PYROXD1: variants seen among roughly 807,000 people sequenced by gnomAD.
The protein encoded by PYROXD1 is pyridine nucleotide-disulphide oxidoreductase domain 1.
PYROXD1 carries 42 observed loss-of-function variants against 62.0 expected under a neutral mutation model. The observed-to-expected ratio is 0.68, with a 90% confidence interval of 0.53 to 0.88. PYROXD1 has a LOEUF of 0.88. PYROXD1 is among the 40% of genes least tolerant of loss of function. The probability of loss-of-function intolerance (pLI) is 0.00; values close to 1 mark genes in which losing one functional copy is unlikely to be tolerated. For missense variants in PYROXD1, 493 were observed against 604.8 expected (o/e 0.82, Z 1.94); for synonymous variants, 170 against 206.4 (o/e 0.82, Z 1.51).
chr12:21,440,566 G>A, intron 2 of PYROXD1, 118 bp downstream of exon 2: 1 of 595,102 alleles, frequency 1.7e-6, no homozygotes, highest in South Asian at 2.4e-5. Context: ...ACAGTTATAT[G>A]CTGTACAACA....
intron 4 of PYROXD1, among the ~76,000 whole-genome samples, chr12:21,451,663 T>TA (rs1201811269): frequency 7.0e-6 from 1 of 143,748 alleles, no homozygotes; most frequent in Non-Finnish European, 1.5e-5. Flanking sequence ...TCTGTGCTCT[T>TA]AACCACTATG....
In PYROXD1 at chr12:21,470,048, A is replaced by C; in HGVS notation, c.*1294A>C. ...AATTTTCAAACATTCTCAAAAGTTT[A>C]GATCTTCAGAGATAAGCTCTGAAAA... On this transcript the variant is annotated 3_prime_UTR_variant, in exon 12 of 12. Coordinates refer to ENST00000240651, the MANE Select transcript of PYROXD1 (RefSeq NM_024854.5). 1.5e-6 allele frequency: 1 copy of C among 666,028 alleles called. No homozygotes were observed. The highest frequency in any genetic ancestry group is 2.3e-6 in the Non-Finnish European group (1 of 429,704). The allele number at this position is 666,028 out of a possible 1,614,324, so 41.3% of individuals were successfully genotyped here.
At chr12:21,442,066 A>G (rs1262019970) in intron 2 of PYROXD1, among the ~76,000 whole-genome samples, 1 of 152,170 alleles carries the variant, frequency 6.6e-6, no homozygotes, top group East Asian at 1.9e-4. Context: ...TGGGGTTTTC[A>G]ATGTCAATGG....
chr12:21,469,408 G>A lies in PYROXD1; in HGVS notation c.*654G>A, dbSNP rs1034512074. The A allele has an allele frequency of 6.6e-6, 1 of 151,232 alleles. No homozygotes were observed. The highest frequency in any genetic ancestry group is 2.4e-5 in the African/African-American group (1 of 41,090). The allele number at this position is 151,232 out of a possible 1,614,324, so 9.4% of individuals were successfully genotyped here. ...TTTTTAAGCTCATCAGCTATCGTCA[G>A]TGTTAGCATATTTTATGTGCGGCCC... On this transcript the variant is annotated 3_prime_UTR_variant, in exon 12 of 12. Transcript: ENST00000240651.
At chr12:21,460,421 T>C (rs545021945) in intron 7 of PYROXD1, among the ~76,000 whole-genome samples, 3 of 111,802 alleles carry the variant, frequency 2.7e-5, no homozygotes, top group African/African-American at 6.7e-5. Context: ...TATTTATTTA[T>C]TTTATTTATT....
rs554450316 is a variant in PYROXD1, at chr12:21,445,530, T to C, written c.285+64T>C. 2.6e-5 allele frequency: 38 copies of C among 1,469,478 alleles called. 1 individual carries two copies. In the South Asian group the frequency reaches 4.6e-4, roughly 18 times the overall value. 91.0% of individuals were successfully genotyped at this position (1,469,478 alleles called of 1,614,324 possible). ...GAATCTTGATGAAGTTTTGCCTGCCTCTTTTCACTCCAGCTCTACTACCAC... is the reference window on the plus strand; with the variant it reads ...GAATCTTGATGAAGTTTTGCCTGCCCCTTTTCACTCCAGCTCTACTACCAC... On this transcript the variant is annotated intron_variant, in intron 3 of 11. Coordinates refer to ENST00000240651, the MANE Select transcript of PYROXD1 (RefSeq NM_024854.5).
chr12:21,440,378 A>G lies in PYROXD1; in HGVS notation c.95A>G (p.His32Arg). ...GVTCAEQLAT[H>R]FPSEDILLVT... ...CTTTTTAAAAATAAGTTGGCTACTCACTTTCCATCGGAAGATATTCTCTTG... is the reference window on the plus strand; with the variant it reads ...CTTTTTAAAAATAAGTTGGCTACTCGCTTTCCATCGGAAGATATTCTCTTG... Residue 32 changes from histidine to arginine, a missense_variant, in exon 2 of 12, where the codon CAC (histidine) becomes CGC (arginine). Coordinates refer to ENST00000240651, the MANE Select transcript of PYROXD1 (RefSeq NM_024854.5). 6.3e-6 allele frequency: 10 copies of G among 1,588,456 alleles called. No individual in the cohort carries two copies. Among genetic ancestry groups the G allele is most frequent in the Non-Finnish European group, 8.6e-6 (10 of 1,166,722 alleles).
chr12:21,452,037 C>A (rs1591945861), intron 4 of PYROXD1, 44 bp from the exon 5 acceptor site: 1 of 1,111,832 alleles, frequency 9.0e-7, no homozygotes, highest in Non-Finnish European at 1.3e-6. Context: ...AGATTATTGC[C>A]CACTATTACA....
intron 2 of PYROXD1, among the ~76,000 whole-genome samples, chr12:21,441,566 C>G (rs1942296131): frequency 6.6e-6 from 1 of 152,032 alleles, no homozygotes; most frequent in African/African-American, 2.4e-5. Context: ...TTGACATAGT[C>G]TGTTGCATTT....
Position 21,445,293 on chromosome 12 carries a change from C to A in PYROXD1, c.166-54C>A, listed in dbSNP as rs569398456. 1.1e-4 allele frequency: 163 copies of A among 1,448,380 alleles called. No homozygotes were observed. The African/African-American group carries it at 2.2e-3, about 19-fold the overall frequency. The allele number at this position is 1,448,380 out of a possible 1,614,324, so 89.7% of individuals were successfully genotyped here. A position where few individuals can be genotyped will look rare whatever the true frequency, so the allele number is the denominator to read the frequency against. On this transcript the variant is annotated intron_variant, in intron 2 of 11. Transcript: ENST00000240651. Reference sequence around the variant, plus strand: ...CAAAGTATTTTTATTATTTAAGATTCTTGAAAGAAAATACTTTAAAAATAT... The same window carrying A: ...CAAAGTATTTTTATTATTTAAGATTATTGAAAGAAAATACTTTAAAAATAT...
intron 5 of PYROXD1, among the ~76,000 whole-genome samples, chr12:21,453,613 A>G (rs1240041952): frequency 6.6e-6 from 1 of 152,108 alleles, no homozygotes; most frequent in Admixed American, 6.5e-5. Flanking sequence ...GTCATTTTCA[A>G]AATGAAAGCA....
intron 5 of PYROXD1, 76 bp from the exon 6 acceptor site, chr12:21,455,056 A>T (rs1942569823): frequency 2.5e-6 from 2 of 803,604 alleles, no homozygotes; most frequent in Non-Finnish European, 3.6e-6. Flanking sequence ...GCTTCAGGAG[A>T]TCATTATTTG....
chr12:21,447,472 G>C (rs1476906), intron 3 of PYROXD1: 75,874 of 153,542 alleles, frequency 0.49, 18,790 homozygotes, highest in Middle Eastern at 0.59. Context: ...GAATCAGAGT[G>C]CTTCCCGTTA....
At chr12:21,466,448 T>C (rs558258532) in intron 10 of PYROXD1, among the ~76,000 whole-genome samples, 1 of 152,256 alleles carries the variant, frequency 6.6e-6, no homozygotes, top group East Asian at 1.9e-4. Flanking sequence ...GGGAATTCAC[T>C]CATGATTTGG....
At chr12:21,451,792 A>G (rs1011195633) in intron 4 of PYROXD1, among the ~76,000 whole-genome samples, 1 of 152,156 alleles carries the variant, frequency 6.6e-6, no homozygotes, top group Non-Finnish European at 1.5e-5. Flanking sequence ...TGGTAAGTTA[A>G]TAGTGCCTCC....
intron 7 of PYROXD1, 59 bp downstream of exon 7, chr12:21,456,154 T>A (rs1942592840): frequency 4.7e-6 from 5 of 1,059,066 alleles, no homozygotes; most frequent in South Asian, 4.2e-5. Flanking sequence ...CTTGAACCAT[T>A]TATTAAAGAC....
intron 2 of PYROXD1, among the ~76,000 whole-genome samples, chr12:21,443,633 A>G (rs1474160279): frequency 1.3e-5 from 2 of 152,204 alleles, no homozygotes; most frequent in Non-Finnish European, 2.9e-5. Context: ...TATAAAGCCT[A>G]TGCAAAATAA....
At chr12:21,460,671 C>T (rs887819788) in intron 7 of PYROXD1, among the ~76,000 whole-genome samples, 5 of 152,122 alleles carry the variant, frequency 3.3e-5, no homozygotes, top group East Asian at 1.9e-4. Context: ...GATCCACCTG[C>T]GCCTCGGCCT....
At chr12:21,438,076 G>T in intron 1 of PYROXD1, 1 of 528,658 alleles carries the variant, frequency 1.9e-6, no homozygotes, top group Non-Finnish European at 3.3e-6. Flanking sequence ...TCAGATCCTT[G>T]TAATGTCAGA....
Sources: allele counts gnomAD v4.1 joint callset (sites outside exome capture counted in the v4.1 genomes callset), GRCh38; gene constraint gnomAD v4.1.1; transcripts MANE v1.5; gene names NCBI Gene and HGNC (gene_info 2026-07-23, HGNC 2026-07-21).